SNED1: variants seen among roughly 807,000 people sequenced by gnomAD.
The protein encoded by SNED1 is sushi, nidogen and EGF like domains 1, also known as sushi, nidogen and EGF-like domain-containing protein 1.
SNED1 carries 81 observed loss-of-function variants against 166.7 expected under a neutral mutation model. The ratio of observed to expected loss-of-function variants is 0.49; its 90% confidence interval spans 0.41 to 0.58. The LOEUF is 0.58. Ranked by LOEUF, SNED1 falls within the 20% of genes least tolerant of loss-of-function variation. The probability of loss-of-function intolerance (pLI) is 0.00; values close to 1 mark genes in which losing one functional copy is unlikely to be tolerated. For missense variants in SNED1, 1,604 were observed against 2,000.2 expected (o/e 0.80, Z 3.78); for synonymous variants, 762 against 822.0 (o/e 0.93, Z 1.25).
At chr2:241,066,457 G>A (rs748431674) in intron 21 of SNED1, among the ~76,000 whole-genome samples, 5 of 152,190 alleles carry the variant, frequency 3.3e-5, no homozygotes, top group Admixed American at 2.0e-4. Context: ...AGGGGATCTC[G>A]GAACAGGCTG....
intron 26 of SNED1, chr2:241,072,334 C>T: frequency 2.5e-6 from 1 of 405,634 alleles, no homozygotes; most frequent in Non-Finnish European, 4.9e-6. Flanking sequence ...GGCTGATGGG[C>T]CCAGGTGCCT....
At chr2:241,084,891 A>AT (rs1207753562) in intron 29 of SNED1, among the ~76,000 whole-genome samples, 4 of 152,088 alleles carry the variant, frequency 2.6e-5, no homozygotes, top group Non-Finnish European at 5.9e-5. Flanking sequence ...TTTGCTGAAT[A>AT]TAGACTTCTT....
intron 2 of SNED1, 149 bp downstream of exon 2, chr2:241,030,720 A>C (rs2061142146): frequency 1.2e-6 from 1 of 865,128 alleles, no homozygotes; most frequent in African/African-American, 1.7e-5. Context: ...CCACAGAGCC[A>C]GAGCAGAAGA....
intron 1 of SNED1, chr2:241,010,552 C>G (rs1163382827): frequency 6.6e-6 from 1 of 152,396 alleles, no homozygotes; most frequent in African/African-American, 2.4e-5. Context: ...GGGGCCTCCC[C>G]AGTTAGCAGC....
At chr2:241,084,573 C>T (rs1020988049) in intron 29 of SNED1, among the ~76,000 whole-genome samples, 1 of 152,202 alleles carries the variant, frequency 6.6e-6, no homozygotes, top group East Asian at 1.9e-4. Context: ...TCCCTCCCAT[C>T]CTTTGAATTA....
chr2:241,017,829 C>A (rs2060643541), intron 1 of SNED1, among the ~76,000 whole-genome samples: 1 of 152,202 alleles, frequency 6.6e-6, no homozygotes, highest in Non-Finnish European at 1.5e-5. Context: ...TTTGAGAGAG[C>A]CAGGATGCAG....
chr2:241,047,753 C>G (rs1414171133), intron 8 of SNED1, among the ~76,000 whole-genome samples: 1 of 152,162 alleles, frequency 6.6e-6, no homozygotes, highest in Non-Finnish European at 1.5e-5. Flanking sequence ...GGTGGCTTCT[C>G]TGGTGCTTCT....
Position 241,065,477 on chromosome 2 carries a change from G to A in SNED1, c.2892G>A (p.Ser964=), listed in dbSNP as rs762661264. ...ACTTTGTGGACAGGACCCGCTCCTCGCACCAGCTCCAGGCCCTGGCGGCCG... is the reference window on the plus strand; with the variant it reads ...ACTTTGTGGACAGGACCCGCTCCTCACACCAGCTCCAGGCCCTGGCGGCCG... ...RTDFVDRTRS[S]HQLQALAAGR... Residue 964 remains serine, a synonymous_variant, in exon 21 of 32, where the codon TCG becomes TCA. Coordinates refer to ENST00000310397, the MANE Select transcript of SNED1 (RefSeq NM_001080437.3). 20 of 1,612,816 alleles carry A rather than the reference G, an allele frequency of 1.2e-5. No individual in the cohort carries two copies. Among genetic ancestry groups the A allele is most frequent in the African/African-American group, 2.7e-5 (2 of 74,928 alleles).
In SNED1 at chr2:241,058,896, G is replaced by A. The variant is rs181119454; in HGVS notation, c.2258-3895G>A. ...ACCTGGGAGGCGGAGCTTGCAGTGA[G>A]CCAAGATCGCACCACTGCACTCCAG... On this transcript the variant is annotated intron_variant, in intron 16 of 31. Transcript: ENST00000310397. Among the ~76,000 whole-genome samples the A allele has an allele frequency of 5.9e-3, 893 of 152,098 alleles. 9 individuals are homozygous for A. The highest frequency in any genetic ancestry group is 0.02 in the African/African-American group (846 of 41,462).
rs1052039559 is a variant in SNED1 at position 241,018,581 on chromosome 2, C to T, written c.214-11703C>T. On this transcript the variant is annotated intron_variant, in intron 1 of 31. Coordinates refer to ENST00000310397, the MANE Select transcript of SNED1 (RefSeq NM_001080437.3). The surrounding 1 kb of genome is among the most constrained non-coding windows in gnomAD (Gnocchi z 5.4). Reference sequence around the variant, plus strand: ...AATGCACATCCCAGGAACTTTCACTCACCTTTCCCCAGTTTGTCCCCAACT... The same window carrying T: ...AATGCACATCCCAGGAACTTTCACTTACCTTTCCCCAGTTTGTCCCCAACT... Among the ~76,000 whole-genome samples the T allele has an allele frequency of 1.3e-5, 2 of 152,218 alleles. No homozygotes were observed. Among genetic ancestry groups the T allele is most frequent in the African/African-American group, 4.8e-5 (2 of 41,460 alleles).
chr2:241,063,988 G>T, intron 18 of SNED1, 24 bp from the exon 19 acceptor site: 9 of 1,518,420 alleles, frequency 5.9e-6, no homozygotes, highest in Non-Finnish European at 7.2e-6. Flanking sequence ...TGCAGCTTGG[G>T]CCCACTCTCT....
intron 1 of SNED1, chr2:241,010,434 A>T (rs529452984): frequency 6.6e-6 from 1 of 152,438 alleles, no homozygotes; most frequent in East Asian, 1.9e-4. Context: ...CCTGCAGGAA[A>T]GGCAGGAGAG....
Position 241,067,830 on chromosome 2 carries a change from C to T in SNED1, c.3077C>T (p.Ala1026Val), listed in dbSNP as rs368818342. ...GCTAGCACCATCTCAGTGCAGTGGG[C>T]CCTGCACAGGATCCGCCATGCCACC... ...VTASTISVQWALHRIRHATVS... is the reference protein window; with the variant it reads ...VTASTISVQWVLHRIRHATVS... Residue 1026 changes from alanine (A) to valine (V), a missense_variant, in exon 22 of 32, where the codon GCC (alanine) becomes GTC (valine). Ala to Val is a moderately conservative substitution (Grantham distance 64). This residue lies in a region of SNED1 where 1,237 missense variants were observed against 1,620.8 expected (regional missense o/e 0.76). Coordinates refer to ENST00000310397, the MANE Select transcript of SNED1 (RefSeq NM_001080437.3). 14 of 1,613,406 alleles carry T rather than the reference C, an allele frequency of 8.7e-6. No homozygotes were observed. The African/African-American group carries it at 1.7e-4, about 20-fold the overall frequency.
At chr2:241,090,595 C>T in intron 31 of SNED1, 1 of 979,252 alleles carries the variant, frequency 1.0e-6, no homozygotes, top group Middle Eastern at 3.6e-4. Context: ...AGCATCACCA[C>T]AAACACAAAA....
intron 27 of SNED1, among the ~76,000 whole-genome samples, chr2:241,078,057 A>G (rs1211584886): frequency 6.6e-6 from 1 of 152,214 alleles, no homozygotes; most frequent in African/African-American, 2.4e-5. Context: ...CAAAAGCCAG[A>G]AAGTAGAAAC....
rs2062703127 is a variant in SNED1 at position 241,071,333 on chromosome 2, G to C, written c.3590-243G>C. Reference sequence around the variant, plus strand: ...GCCCTGCCTCATGACTCCCAGGCCAGTGCACGCCTGTGTCATGGCTGCGCA... The same window carrying C: ...GCCCTGCCTCATGACTCCCAGGCCACTGCACGCCTGTGTCATGGCTGCGCA... On this transcript the variant is annotated intron_variant, in intron 24 of 31. Transcript: ENST00000310397. 1.7e-5 allele frequency: 10 copies of C among 587,724 alleles called. No homozygotes were observed. The South Asian group carries it at 1.8e-4, about 11-fold the overall frequency. The allele number at this position is 587,724 out of a possible 1,614,324, so 36.4% of individuals were successfully genotyped here.
At position 241,013,718 on chromosome 2, in the gene SNED1, T is replaced by C. The variant is rs377454412; in HGVS notation, c.213+14668T>C. The stretch of plus-strand genomic sequence containing the variant: ...TTTCACTGAGCATAATGTCCTTCAG[T>C]TTCATCCATGTTGTTGCAAATGGCA... On this transcript the variant is annotated intron_variant, in intron 1 of 31. Coordinates refer to ENST00000310397, the MANE Select transcript of SNED1 (RefSeq NM_001080437.3). This position sits in a 1 kb window ranked among gnomAD's most constrained non-coding sequence, Gnocchi z 4.6. 1.3e-4 allele frequency among the ~76,000 whole-genome samples: 20 copies of C among 152,334 alleles called. No individual in the cohort carries two copies. Among genetic ancestry groups the C allele is most frequent in the African/African-American group, 4.8e-4 (20 of 41,578 alleles).
rs148874445 is a variant in SNED1, at chr2:241,090,641, C to T, written c.*2-997C>T. 6.9e-3 allele frequency among the ~76,000 whole-genome samples: 1,056 copies of T among 152,196 alleles called. 11 individuals carry two copies. Among genetic ancestry groups the T allele is most frequent in the African/African-American group, 0.024 (996 of 41,524 alleles). ...TAGCACTTTGGGAGGCCGAGGCCGGCGGATCACTTGAGGCCAGGAGTTCGA... is the reference window on the plus strand; with the variant it reads ...TAGCACTTTGGGAGGCCGAGGCCGGTGGATCACTTGAGGCCAGGAGTTCGA... On this transcript the variant is annotated intron_variant, in intron 31 of 31. Coordinates refer to ENST00000310397, the MANE Select transcript of SNED1 (RefSeq NM_001080437.3).
chr2:241,002,156 T>G (rs1285570038), intron 1 of SNED1, among the ~76,000 whole-genome samples: 1 of 152,104 alleles, frequency 6.6e-6, no homozygotes, highest in East Asian at 1.9e-4. Flanking sequence ...ATCTGTGTGG[T>G]GAAGCTCCCC....
Sources: gnomAD v4.1 joint callset for allele counts (sites outside exome capture counted in the v4.1 genomes callset) on GRCh38, gnomAD v4.1.1 for gene constraint, gnomAD v4.1.1 regional missense constraint, Gnocchi (gnomAD v3.1) non-coding constraint, MANE v1.5 for transcripts, NCBI Gene and HGNC (gene_info 2026-07-23, HGNC 2026-07-21) for gene names.